SYNE2: variants seen among roughly 807,000 people sequenced by gnomAD.
SYNE2 encodes the protein spectrin repeat containing nuclear envelope protein 2.
In SYNE2, 431 loss-of-function variants were observed where a neutral mutation model predicts 856.3. That is an observed-to-expected ratio of 0.50 (90% CI 0.47 to 0.55). SYNE2 has a LOEUF of 0.55. SYNE2 is among the 20% of genes least tolerant of loss of function. The pLI is 0.00. For missense variants in SYNE2, 8,129 were observed against 8,023.2 expected (o/e 1.01, Z -0.50); for synonymous variants, 2,923 against 2,872.3 (o/e 1.02, Z -0.56).
At chr14:63,998,159 C>G (rs2096727258) in intron 25 of SYNE2, 60 bp from the exon 26 acceptor site, 2 of 1,193,484 alleles carry the variant, frequency 1.7e-6, no homozygotes, top group East Asian at 2.3e-5. Context: ...AAGCATTTAT[C>G]TTTTCCAGAT....
chr14:64,121,119 G>T, intron 68 of SYNE2, 58 bp downstream of exon 68: 1 of 1,610,546 alleles, frequency 6.2e-7, no homozygotes, highest in Non-Finnish European at 8.5e-7. Context: ...ACCAGGCAAG[G>T]TGGTGCAAAC....
rs200554446 is a variant in SYNE2 at position 64,021,337 on chromosome 14, A to G, written c.5174A>G (p.Asn1725Ser). ...CAGGTCATGGAGTCCTCTATTTTGA[A>G]CAAGATGGAACATGTACAGAAGTGC... ...ELQVMESSILNKMEHVQKCLT... is the reference protein window; with the variant it reads ...ELQVMESSILSKMEHVQKCLT... The change falls in exon 36 of 116, where the codon AAC becomes AGC. Residue 1725 changes from asparagine to serine, a missense_variant. Coordinates refer to ENST00000555002, the MANE Select transcript of SYNE2 (RefSeq NM_182914.3). The G allele has an allele frequency of 2.4e-5, 38 of 1,613,990 alleles. No individual in the cohort carries two copies. In the Middle Eastern group the frequency reaches 4.9e-4, roughly 21 times the overall value.
chr14:63,877,865 A>G (rs1595380713), intron 1 of SYNE2, among the ~76,000 whole-genome samples: 1 of 141,616 alleles, frequency 7.1e-6, no homozygotes, highest in African/African-American at 2.6e-5. Flanking sequence ...GGTCATTTGC[A>G]TTAGCTACAC....
intron 19 of SYNE2, among the ~76,000 whole-genome samples, chr14:63,987,777 AATTT>A (rs1043935587): frequency 6.8e-6 from 1 of 146,970 alleles, no homozygotes; most frequent in African/African-American, 2.7e-5. Flanking sequence ...TTTTTTAAAT[AATTT>A]AAAAATTTTA....
At chr14:64,197,798 A>G (rs1255995) in intron 99 of SYNE2, among the ~76,000 whole-genome samples, 80,870 of 152,040 alleles carry the variant, frequency 0.53, 23,872 homozygotes, top group African/African-American at 0.8. Context: ...TGCTAACCTG[A>G]CTTGATTTTG....
At chr14:64,073,422 C>G (rs2097429039) in intron 52 of SYNE2, among the ~76,000 whole-genome samples, 1 of 152,174 alleles carries the variant, frequency 6.6e-6, no homozygotes, top group Non-Finnish European at 1.5e-5. Context: ...GCACTCCTAT[C>G]TACAAGGGTA....
chr14:63,882,487 G>C (rs1456618939), intron 1 of SYNE2, among the ~76,000 whole-genome samples: 1 of 151,798 alleles, frequency 6.6e-6, no homozygotes, highest in Admixed American at 6.6e-5. Flanking sequence ...AGGCCAAGGT[G>C]AAAGGATCAC....
At chr14:63,950,036 A>T (rs777370891) in intron 7 of SYNE2, 30 bp downstream of exon 7, 36 of 1,612,554 alleles carry the variant, frequency 2.2e-5, no homozygotes, top group Non-Finnish European at 3.1e-5. Context: ...CCTAAGAGAC[A>T]CACAGGGCAG....
intron 54 of SYNE2, among the ~76,000 whole-genome samples, chr14:64,077,465 T>C (rs1283157902): frequency 6.6e-6 from 1 of 152,092 alleles, no homozygotes; most frequent in Admixed American, 6.5e-5. Flanking sequence ...AGGCCTGATA[T>C]TGTGAATAGA....
chr14:64,201,500 C>T (rs1404097890), intron 99 of SYNE2, among the ~76,000 whole-genome samples: 2 of 152,166 alleles, frequency 1.3e-5, no homozygotes, highest in Non-Finnish European at 2.9e-5. Flanking sequence ...TGAGAGAGTG[C>T]AAGGTTAGAG....
intron 7 of SYNE2, among the ~76,000 whole-genome samples, chr14:63,951,131 T>G (rs1045388640): frequency 6.6e-6 from 1 of 152,100 alleles, no homozygotes. Context: ...TCAGGAGATC[T>G]CTCTACTAGA....
chr14:64,087,923 C>G, intron 58 of SYNE2, 67 bp downstream of exon 58: 1 of 1,557,416 alleles, frequency 6.4e-7, no homozygotes, highest in Non-Finnish European at 8.8e-7. Flanking sequence ...TGGCTCATCC[C>G]TATAATTCCA....
chr14:63,976,723 T>G lies in SYNE2; in HGVS notation c.1289T>G (p.Phe430Cys). The change falls in exon 12 of 116, where the codon TTC becomes TGC. Residue 430 changes from phenylalanine (F) to cysteine (C), a missense_variant. Around this residue, in one of 3 missense-constraint regions of SYNE2, gnomAD observed 2,422 missense variants for 2,357.4 expected, o/e 1.03. Coordinates refer to ENST00000555002, the MANE Select transcript of SYNE2 (RefSeq NM_182914.3). The part of the protein sequence containing the change: ...VTLIQEKMTL[F>C]KSLMDRFEHH... ...CTGATACAAGAGAAAATGACTTTAT[T>G]CAAGGTTGGAAAAGAAAAAAAAGAG... 6.2e-7 allele frequency: 1 copy of G among 1,613,448 alleles called. No individual in the cohort carries two copies. Among genetic ancestry groups the G allele is most frequent in the Non-Finnish European group, 8.5e-7 (1 of 1,179,832 alleles).
chr14:63,986,470 T>C lies in SYNE2; in HGVS notation c.2166T>C (p.His722=), dbSNP rs757806312. ...YNQNIKAGEK[H]EKENEEFTGQ... ...GAATGTTGTAGGCTGGAGAGAAACA[T>C]GAAAAAGAAAATGAAGAATTCACAG... The change falls in exon 19 of 116, where the codon CAT becomes CAC. Residue 722 remains histidine (H), a synonymous_variant. Transcript: ENST00000555002. 3.1e-6 allele frequency: 5 copies of C among 1,614,006 alleles called. No homozygotes were observed. In the South Asian group the frequency reaches 4.4e-5, roughly 14 times the overall value.
At chr14:64,044,862 CCT>C (rs10611150) in intron 45 of SYNE2, among the ~76,000 whole-genome samples, 5,300 of 152,266 alleles carry the variant, frequency 0.035, 314 homozygotes, top group African/African-American at 0.12. Context: ...TCCAATGAAA[CCT>C]CTTTCTTTTT....
intron 1 of SYNE2, among the ~76,000 whole-genome samples, chr14:63,778,570 AGTG>A (rs1887193459): frequency 2.0e-5 from 3 of 152,066 alleles, no homozygotes; most frequent in Non-Finnish European, 4.4e-5. Context: ...CCTATAGTGC[AGTG>A]GCATGATTAT....
rs141734497 is a variant in SYNE2 at position 64,097,422 on chromosome 14, C to T, written c.12109-527C>T. On this transcript the variant is annotated intron_variant, in intron 61 of 115. Transcript: ENST00000555002. ...TGAGATTTCTGTCTTCATTTTCTCT[C>T]AGTGGTTCCCAAATGTTAGTCTGCT... Among the ~76,000 whole-genome samples, 36 of 152,302 alleles carry T rather than the reference C, an allele frequency of 2.4e-4. No homozygotes were observed. In the East Asian group the frequency reaches 6.9e-3, roughly 29 times the overall value.
intron 43 of SYNE2, 77 bp from the exon 44 acceptor site, chr14:64,029,818 T>C: frequency 6.9e-7 from 1 of 1,456,100 alleles, no homozygotes; most frequent in Non-Finnish European, 9.5e-7. Flanking sequence ...CAAGTATTTA[T>C]TAGTCATTTA....
intron 96 of SYNE2, among the ~76,000 whole-genome samples, chr14:64,180,659 A>G (rs564791366): frequency 1.9e-4 from 29 of 152,064 alleles, no homozygotes; most frequent in African/African-American, 5.3e-4. Context: ...ACCCGCCACC[A>G]CGCCCAGCTA....
Sources: gnomAD v4.1 joint callset for allele counts (sites outside exome capture counted in the v4.1 genomes callset) on GRCh38, gnomAD v4.1.1 for gene constraint, gnomAD v4.1.1 regional missense constraint, MANE v1.5 for transcripts, NCBI Gene and HGNC (gene_info 2026-07-23, HGNC 2026-07-21) for gene names.